Variants in SYTL4 observed in about 807,000 individuals in gnomAD.
SYTL4 encodes synaptotagmin-like protein 4.
Under a neutral mutation model 52.7 loss-of-function variants are expected in SYTL4, and 16 were observed. That is an observed-to-expected ratio of 0.30 (90% CI 0.21 to 0.46). The LOEUF (loss-of-function observed/expected upper bound fraction) is 0.46, where lower values mean the gene tolerates loss of function less well. Among genes scored for constraint, SYTL4 ranks in the 20% least tolerant of loss-of-function variants. The pLI is 1.00. For missense variants in SYTL4, 423 were observed against 519.9 expected, an observed-to-expected ratio of 0.81 and a Z score of 1.81; for synonymous variants, 160 against 186.6, an observed-to-expected ratio of 0.86 and a Z score of 1.16.
At chrX:100,676,516 C>T (rs1265494285) in intron 19 of SYTL4, among the ~76,000 whole-genome samples, 5 of 111,769 alleles carry the variant, frequency 4.5e-5, no homozygotes, top group East Asian at 2.8e-4. Flanking sequence ...GACGGAGCCT[C>T]GCTCTGTCGC....
intron 2 of SYTL4, among the ~76,000 whole-genome samples, chrX:100,723,152 G>A (rs2147828821): frequency 8.9e-6 from 1 of 112,341 alleles, no homozygotes; most frequent in East Asian, 2.8e-4. Flanking sequence ...AGAAGGTACG[G>A]TCTCCCTCTG....
At position 100,686,087 on chromosome X, in the gene SYTL4, C is replaced by T. The variant is rs766632925; in HGVS notation, c.1352G>A (p.Arg451His). The T allele has an allele frequency of 1.2e-5, 14 of 1,208,578 alleles. No homozygotes were observed. Among genetic ancestry groups the T allele is most frequent in the Admixed American group, 4.4e-5 (2 of 45,728 alleles). The change falls in exon 16 of 20, where the codon CGT (arginine) becomes CAT (histidine). Residue 451 changes from arginine (R) to histidine (H), a missense_variant. Arg to His is a conservative substitution (Grantham distance 29). Transcript: ENST00000372989. ...TCCAAGGAAAGTGTTTCTGCCAAAA[C>T]GACCATGATGCCAAACTGAGAACTG... ...TLQFSVWHHG[R>H]FGRNTFLGEA...
At chrX:100,686,266 CT>C in intron 15 of SYTL4, 115 bp from the exon 16 acceptor site, 1 of 739,192 alleles carries the variant, frequency 1.4e-6, no homozygotes, top group East Asian at 3.5e-5. Context: ...TACCAAATTA[CT>C]TTATGTTCCC....
At chrX:100,684,509 C>G (rs1348732193) in intron 16 of SYTL4, among the ~76,000 whole-genome samples, 1 of 109,285 alleles carries the variant, frequency 9.2e-6, no homozygotes, top group Non-Finnish European at 1.9e-5. Flanking sequence ...TGAAAAAATA[C>G]TATGCAGCAG....
rs755235197 is a variant in SYTL4 at position 100,714,539 on chromosome X, G to A, written c.-239-9653C>T. ...CTCCCAAAGTGCGGGGATTACAGGC[G>A]TGAGCCACCGTGCCTGGCCAAGGTT... On this transcript the variant is annotated intron_variant, in intron 2 of 19. Transcript: ENST00000372989. Among the ~76,000 whole-genome samples, 186 of 108,242 alleles carry A rather than the reference G, an allele frequency of 1.7e-3. 2 individuals carry two copies. Among genetic ancestry groups the A allele is most frequent in the Non-Finnish European group, 3.1e-3 (167 of 53,101 alleles). 94.0% of individuals were successfully genotyped at this position (108,242 alleles called of 115,157 possible). A position where few individuals can be genotyped will look rare whatever the true frequency, so the allele number is the denominator to read the frequency against.
intron 10 of SYTL4, 130 bp from the exon 11 acceptor site, chrX:100,690,295 A>T (rs139972769): frequency 0.015 from 7,475 of 501,089 alleles, 69 homozygotes; most frequent in Non-Finnish European, 0.02. Flanking sequence ...TAAAGGAAAG[A>T]TTAAATGCCT....
intron 2 of SYTL4, among the ~76,000 whole-genome samples, chrX:100,725,092 G>C (rs1358286750): frequency 9.0e-6 from 1 of 111,324 alleles, no homozygotes; most frequent in East Asian, 2.8e-4. Flanking sequence ...AGCAGGAACA[G>C]AAGATTTATA....
At chrX:100,712,846 T>C (rs1285150776) in intron 2 of SYTL4, among the ~76,000 whole-genome samples, 6 of 111,976 alleles carry the variant, frequency 5.4e-5, no homozygotes, top group Non-Finnish European at 1.1e-4. Flanking sequence ...AATAAACATA[T>C]CACCAAAGAA....
In SYTL4 at chrX:100,691,062, C is replaced by T. The variant is rs745886403; in HGVS notation, c.641+46G>A. 9 of 1,009,999 alleles carry T rather than the reference C, an allele frequency of 8.9e-6. No individual in the cohort carries two copies. In the South Asian group the frequency reaches 1.6e-4, roughly 18 times the overall value. The allele number at this position is 1,009,999 out of a possible 1,213,427, so 83.2% of individuals were successfully genotyped here. On this transcript the variant is annotated intron_variant, in intron 9 of 19. Transcript: ENST00000372989. ...GAACACTGATGCTGCAGAACAAAAT[C>T]ACAACTTGGGTTGAGAGGAGATGAG...
rs779409505 is a variant in SYTL4, at chrX:100,681,352, C to A, written c.1450-17G>T. On this transcript the variant is annotated splice_polypyrimidine_tract_variant and intron_variant, in intron 16 of 19. Transcript: ENST00000372989. ...AGCACTGATCTGAAACACAGGGAAACCCAACAGGTCAAGCTGGGCTTCTCA... is the reference window on the plus strand; with the variant it reads ...AGCACTGATCTGAAACACAGGGAAAACCAACAGGTCAAGCTGGGCTTCTCA... 8.7e-7 allele frequency: 1 copy of A among 1,149,362 alleles called. No homozygotes were observed. The highest frequency in any genetic ancestry group is 1.8e-5 in the African/African-American group (1 of 55,796). 94.7% of individuals were successfully genotyped at this position (1,149,362 alleles called of 1,213,427 possible).
At chrX:100,730,079 C>A (rs557373137) in intron 2 of SYTL4, among the ~76,000 whole-genome samples, 1 of 110,725 alleles carries the variant, frequency 9.0e-6, no homozygotes, top group Non-Finnish European at 1.9e-5. Flanking sequence ...CTCCCCTAGC[C>A]AGCAGGAGAG....
chrX:100,685,121 T>C (rs1210406536), intron 16 of SYTL4: 1 of 112,383 alleles, frequency 8.9e-6, no homozygotes, highest in Non-Finnish European at 1.9e-5. Context: ...CATAAGTCCA[T>C]TTTTGCTTAA....
chrX:100,696,201 C>A (rs2083702846), intron 8 of SYTL4, among the ~76,000 whole-genome samples: 1 of 111,658 alleles, frequency 9.0e-6, no homozygotes, highest in Non-Finnish European at 1.9e-5. Flanking sequence ...TGAGTAAGTA[C>A]CCAGGAATGA....
At position 100,721,467 on chromosome X, in the gene SYTL4, T is replaced by C. The variant is rs778832645; in HGVS notation, c.-240+9951A>G. Among the ~76,000 whole-genome samples, 7 of 112,332 alleles carry C rather than the reference T, an allele frequency of 6.2e-5. No homozygotes were observed. In the South Asian group the frequency reaches 2.6e-3, roughly 41 times the overall value. ...CTTTGTTTTGTTCATTTCTGTACCT[T>C]TGGTGCCTAGAGCACTGCCTGGATC... On this transcript the variant is annotated intron_variant, in intron 2 of 19. Coordinates refer to ENST00000372989, the MANE Select transcript of SYTL4 (RefSeq NM_001370165.1).
At chrX:100,698,554 A>G (rs1047886337) in intron 8 of SYTL4, among the ~76,000 whole-genome samples, 1 of 112,356 alleles carries the variant, frequency 8.9e-6, no homozygotes, top group African/African-American at 3.2e-5. Context: ...GTTACATTCA[A>G]TGGAAGAAGA....
At position 100,691,155 on chromosome X, in the gene SYTL4, C is replaced by G. The variant is rs1459670660; in HGVS notation, c.594G>C (p.Glu198Asp). 2 of 1,209,265 alleles carry G rather than the reference C, an allele frequency of 1.7e-6. No homozygotes were observed. Among genetic ancestry groups the G allele is most frequent in the Admixed American group, 4.4e-5 (2 of 45,896 alleles). The change falls in exon 9 of 20, where the codon GAG becomes GAC. Residue 198 changes from glutamate (E) to aspartate (D), a missense_variant. By Grantham distance (45) the Glu-to-Asp change is conservative. Transcript: ENST00000372989. The stretch of plus-strand genomic sequence containing the variant: ...CTGTGAAGCTATCCAGACTCTCACT[C>G]TCAGCTTCCAATGCACTCTTTCCAC... ...LKSGKSALEA[E>D]SESLDSFTAD...
At chrX:100,679,460 T>A in intron 17 of SYTL4, 48 bp from the exon 18 acceptor site, 1 of 1,014,531 alleles carries the variant, frequency 9.9e-7, no homozygotes, top group East Asian at 3.0e-5. Context: ...CACCTCTAGA[T>A]TTATCTTGAG....
At chrX:100,711,656 A>T (rs980570666) in intron 2 of SYTL4, among the ~76,000 whole-genome samples, 1 of 111,836 alleles carries the variant, frequency 8.9e-6, no homozygotes, top group East Asian at 2.8e-4. Flanking sequence ...TTAATGAGCT[A>T]TGGGACAACA....
At chrX:100,713,598 A>C (rs186032073) in intron 2 of SYTL4, among the ~76,000 whole-genome samples, 2,198 of 88,352 alleles carry the variant, frequency 0.025, 54 homozygotes, top group African/African-American at 0.084. Context: ...CCTGGGCAAC[A>C]GAGTGAGACT....
Sources: allele counts gnomAD v4.1 joint callset (sites outside exome capture counted in the v4.1 genomes callset), GRCh38; gene constraint gnomAD v4.1.1; transcripts MANE v1.5; gene names NCBI Gene and HGNC (gene_info 2026-07-23, HGNC 2026-07-21).